The following MRTFA variants were observed in gnomAD, a reference collection of about 807,000 sequenced individuals.
The protein encoded by MRTFA is myocardin-related transcription factor A.
In MRTFA, 20 loss-of-function variants were observed where a neutral mutation model predicts 83.5. That is an observed-to-expected ratio of 0.24 (90% CI 0.17 to 0.35). The LOEUF is 0.35. Among genes scored for constraint, MRTFA ranks in the 10% least tolerant of loss-of-function variants. The probability of loss-of-function intolerance (pLI) is 1.00; values close to 1 mark genes in which losing one functional copy is unlikely to be tolerated. For synonymous variants in MRTFA, 659 were observed against 541.2 expected (o/e 1.22, Z -3.02); for missense variants, 1,200 against 1,224.7 (o/e 0.98, Z 0.30).
intron 7 of MRTFA, among the ~76,000 whole-genome samples, chr22:40,428,936 T>A (rs2053011700): frequency 6.6e-6 from 1 of 152,160 alleles, no homozygotes; most frequent in Non-Finnish European, 1.5e-5. Flanking sequence ...TTCCTACTCA[T>A]CCTTCAGCCC....
intron 3 of MRTFA, among the ~76,000 whole-genome samples, chr22:40,509,585 C>T (rs533090909): frequency 1.3e-5 from 2 of 152,308 alleles, no homozygotes; most frequent in East Asian, 3.9e-4. Context: ...TACCACACAA[C>T]TGAAAAGCTA....
chr22:40,457,436 G>GAGAAAGAAAGAAAGAAAGAGAAAGAA (rs2053606893), intron 4 of MRTFA, among the ~76,000 whole-genome samples: 1 of 119,818 alleles, frequency 8.3e-6, no homozygotes, highest in Non-Finnish European at 1.7e-5. Flanking sequence ...AAGAAAGAAA[G>GAGAAAGAAAGAAAGAAAGAGAAAGAA]AGAAAGAAAG....
chr22:40,440,749 C>A (rs6001913), intron 4 of MRTFA, among the ~76,000 whole-genome samples: 17,543 of 152,178 alleles, frequency 0.12, 1,164 homozygotes, highest in East Asian at 0.24. Flanking sequence ...TGTAAGAGTG[C>A]TACAGGTTAA....
At chr22:40,505,140 T>G (rs929327078) in intron 3 of MRTFA, among the ~76,000 whole-genome samples, 7 of 152,180 alleles carry the variant, frequency 4.6e-5, no homozygotes, top group Non-Finnish European at 1.5e-5. Context: ...TGCTCACAAA[T>G]TACTGAATTC....
chr22:40,520,540 G>A (rs2054847920), intron 3 of MRTFA, among the ~76,000 whole-genome samples: 1 of 152,100 alleles, frequency 6.6e-6, no homozygotes, highest in Non-Finnish European at 1.5e-5. Context: ...CCGAGTAGCT[G>A]AGACTATAGG....
At chr22:40,531,323 A>T (rs1360347610) in intron 3 of MRTFA, among the ~76,000 whole-genome samples, 1 of 139,412 alleles carries the variant, frequency 7.2e-6, no homozygotes, top group Non-Finnish European at 1.5e-5. Context: ...TCTTGGGCTT[A>T]AGCGATCCTC....
intron 3 of MRTFA, among the ~76,000 whole-genome samples, chr22:40,477,803 A>C (rs2054023138): frequency 6.6e-6 from 1 of 151,988 alleles, no homozygotes; most frequent in African/African-American, 2.4e-5. Context: ...GGAAGGGTAA[A>C]GGAAAGGGGA....
At position 40,591,276 on chromosome 22, in the gene MRTFA, C is replaced by CAAA. The variant is rs554015800; in HGVS notation, c.-22+3395_-22+3397dup. Among the ~76,000 whole-genome samples, 6 of 83,384 alleles carry CAAA rather than the reference C, an allele frequency of 7.2e-5. No homozygotes were observed. The South Asian group carries it at 1.9e-3, about 26-fold the overall frequency. The allele number at this position is 83,384 out of a possible 152,430, so 54.7% of individuals were successfully genotyped here. ...TGGGCAAAAGAGCGAGACTCCGTCT[C>CAAA]AAAAAAAAAAAAAAAGATAACAACT... On this transcript the variant is annotated intron_variant, in intron 2 of 14. Coordinates refer to ENST00000355630, the MANE Select transcript of MRTFA (RefSeq NM_020831.6).
intron 6 of MRTFA, 50 bp from the exon 7 acceptor site, chr22:40,429,817 T>G: frequency 6.5e-7 from 1 of 1,543,810 alleles, no homozygotes; most frequent in Non-Finnish European, 8.7e-7. Context: ...GTGGACGTGG[T>G]TCTGCCCCGG....
chr22:40,494,218 T>A (rs1310194412), intron 3 of MRTFA, among the ~76,000 whole-genome samples: 2 of 152,222 alleles, frequency 1.3e-5, no homozygotes, highest in African/African-American at 4.8e-5. Context: ...AAATGCCTTT[T>A]AGTTCATCTG....
At chr22:40,430,360 T>A (rs1252613464) in intron 6 of MRTFA, among the ~76,000 whole-genome samples, 7 of 151,770 alleles carry the variant, frequency 4.6e-5, no homozygotes, top group Admixed American at 3.9e-4. Flanking sequence ...TGGTGGCATG[T>A]GCCTGTAGTC....
chr22:40,570,629 G>A (rs2055776516), intron 2 of MRTFA, among the ~76,000 whole-genome samples: 1 of 147,694 alleles, frequency 6.8e-6, no homozygotes, highest in Non-Finnish European at 1.5e-5. Context: ...TATTCTTTAG[G>A]CACTTCTCCC....
intron 3 of MRTFA, among the ~76,000 whole-genome samples, chr22:40,489,854 CTGTAA>C (rs993016700): frequency 6.6e-6 from 1 of 150,604 alleles, no homozygotes; most frequent in Admixed American, 6.7e-5. Flanking sequence ...TGGCGAGCAC[CTGTAA>C]TCCCTGCTAC....
At chr22:40,609,290 C>CA (rs56048331) in intron 1 of MRTFA, among the ~76,000 whole-genome samples, 3,558 of 92,540 alleles carry the variant, frequency 0.038, 91 homozygotes, top group Admixed American at 0.1. Context: ...GACTCCTTCT[C>CA]AAAAAAAAAA....
At chr22:40,423,782 G>T in intron 8 of MRTFA, 97 bp from the exon 9 acceptor site, 2 of 1,158,252 alleles carry the variant, frequency 1.7e-6, no homozygotes, top group Non-Finnish European at 2.3e-6. Flanking sequence ...CGCCACCATT[G>T]TCAGAGGGCA....
In MRTFA at chr22:40,411,573, C is replaced by G. The variant is rs1356620653; in HGVS notation, c.2913G>C (p.Glu971Asp). The G allele has an allele frequency of 1.2e-6, 2 of 1,613,862 alleles. No individual in the cohort carries two copies. The highest frequency in any genetic ancestry group is 1.7e-5 in the Admixed American group (1 of 59,988). Residue 971 changes from glutamate to aspartate, a missense_variant, in exon 15 of 15, where the codon GAG becomes GAC. Around this residue, in one of 2 missense-constraint regions of MRTFA, gnomAD observed 1,107 missense variants for 1,041.8 expected, o/e 1.06. Coordinates refer to ENST00000355630, the MANE Select transcript of MRTFA (RefSeq NM_020831.6). ...GGTCCAGGCCCATGGTGCTGCTGGG[C>G]TCAGGAACAAAGTGCAATTCCGAGG...
chr22:40,579,943 G>T (rs1487897428), intron 2 of MRTFA, among the ~76,000 whole-genome samples: 2 of 151,592 alleles, frequency 1.3e-5, no homozygotes, highest in South Asian at 2.1e-4. Flanking sequence ...TGCACTTTTA[G>T]TAAGAATTCA....
chr22:40,618,971 A>T (rs2056487506), intron 1 of MRTFA, among the ~76,000 whole-genome samples: 1 of 150,440 alleles, frequency 6.6e-6, no homozygotes, highest in Non-Finnish European at 1.5e-5. Flanking sequence ...AAAAATAAAA[A>T]TAAAAATAAT....
In MRTFA at chr22:40,515,383, C is replaced by T. The variant is rs984819231; in HGVS notation, c.241+36723G>A. 4.6e-5 allele frequency among the ~76,000 whole-genome samples: 7 copies of T among 151,850 alleles called. No individual in the cohort carries two copies. The East Asian group carries it at 5.8e-4, about 13-fold the overall frequency. ...AGAAACATATACATTTAAAAACCCCCAAAAATCTCATAAAATAATCACATA... is the reference window on the plus strand; with the variant it reads ...AGAAACATATACATTTAAAAACCCCTAAAAATCTCATAAAATAATCACATA... On this transcript the variant is annotated intron_variant, in intron 3 of 14. Coordinates refer to ENST00000355630, the MANE Select transcript of MRTFA (RefSeq NM_020831.6).
Sources: allele counts gnomAD v4.1 joint callset (sites outside exome capture counted in the v4.1 genomes callset), GRCh38; gene constraint gnomAD v4.1.1; regional missense constraint gnomAD v4.1.1; transcripts MANE v1.5; gene names NCBI Gene and HGNC (gene_info 2026-07-23, HGNC 2026-07-21).